RERG: variants seen among roughly 807,000 people sequenced by gnomAD.
RERG encodes ras-related and estrogen-regulated growth inhibitor.
RERG carries 25 observed loss-of-function variants against 23.2 expected under a neutral mutation model. The ratio of observed to expected loss-of-function variants is 1.08; its 90% CI spans 0.79 to 1.50. The LOEUF (loss-of-function observed/expected upper bound fraction) is 1.50. Ranked by LOEUF, RERG falls within the 40% of genes most tolerant of loss-of-function variation. The pLI is 0.00. For missense variants in RERG, 253 were observed against 250.1 expected, an observed-to-expected ratio of 1.01 and a Z score of -0.08; for synonymous variants, 81 against 89.1, an observed-to-expected ratio of 0.91 and a Z score of 0.51.
chr12:15,142,701 A>G (rs1864257385), intron 2 of RERG, among the ~76,000 whole-genome samples: 1 of 152,128 alleles, frequency 6.6e-6, no homozygotes, highest in Non-Finnish European at 1.5e-5. Flanking sequence ...AAGAGAAGAG[A>G]GAGGGGGGGT....
intron 2 of RERG, among the ~76,000 whole-genome samples, chr12:15,206,603 C>A (rs1865294606): frequency 6.6e-6 from 1 of 152,060 alleles, no homozygotes; most frequent in Non-Finnish European, 1.5e-5. Context: ...GAGTCAGAAC[C>A]TGTGGAGGTG....
chr12:15,120,131 A>G (rs1475759371), intron 3 of RERG, among the ~76,000 whole-genome samples: 1 of 152,188 alleles, frequency 6.6e-6, no homozygotes, highest in African/African-American at 2.4e-5. Context: ...TTAGACAAAA[A>G]TGTTGGGTTT....
At chr12:15,131,553 AT>A (rs1186274868) in intron 2 of RERG, among the ~76,000 whole-genome samples, 1 of 152,184 alleles carries the variant, frequency 6.6e-6, no homozygotes, top group Non-Finnish European at 1.5e-5. Context: ...TCCTACACTT[AT>A]GTTACTAGGG....
intron 2 of RERG, chr12:15,217,216 T>G (rs996208408): frequency 7.9e-5 from 41 of 521,448 alleles, no homozygotes; most frequent in Non-Finnish European, 3.8e-5. Flanking sequence ...TTGTGTGTTA[T>G]CAGCAAAGCT....
Position 15,108,562 on chromosome 12 carries a change from G to T in RERG, c.*548C>A. 6.6e-6 allele frequency: 1 copy of T among 152,602 alleles called. No individual in the cohort carries two copies. The highest frequency in any genetic ancestry group is 6.5e-5 in the Admixed American group (1 of 15,282). The allele number at this position is 152,602 out of a possible 1,614,324, so 9.5% of individuals were successfully genotyped here. On this transcript the variant is annotated 3_prime_UTR_variant, in exon 5 of 5. Coordinates refer to ENST00000256953, the MANE Select transcript of RERG (RefSeq NM_032918.3). ...CTCTGTTATAGTGAAAAACATTAGTGAGAAGATGCTTGAACTGAAGAACAA... is the reference window on the plus strand; with the variant it reads ...CTCTGTTATAGTGAAAAACATTAGTTAGAAGATGCTTGAACTGAAGAACAA...
At chr12:15,219,741 T>C (rs1339845699) in intron 1 of RERG, among the ~76,000 whole-genome samples, 1 of 152,230 alleles carries the variant, frequency 6.6e-6, no homozygotes, top group African/African-American at 2.4e-5. Context: ...AACAATAATT[T>C]TGTTTCATGC....
intron 2 of RERG, among the ~76,000 whole-genome samples, chr12:15,161,230 C>G (rs76220549): frequency 0.077 from 7,362 of 95,440 alleles, 378 homozygotes; most frequent in East Asian, 0.2. Context: ...AAGAAAGAAA[C>G]AGGGGCATCA....
chr12:15,178,905 G>A (rs1864887900), intron 2 of RERG, among the ~76,000 whole-genome samples: 1 of 152,138 alleles, frequency 6.6e-6, no homozygotes. Context: ...TCTTTTATCT[G>A]TTGTAGGAAG....
intron 2 of RERG, among the ~76,000 whole-genome samples, chr12:15,194,949 T>C (rs1865121952): frequency 1.3e-5 from 2 of 152,120 alleles, no homozygotes; most frequent in South Asian, 2.1e-4. Flanking sequence ...CAGTCCTTTA[T>C]AGCCATCAAA....
At chr12:15,166,839 C>T (rs60706356) in intron 2 of RERG, among the ~76,000 whole-genome samples, 1,527 of 150,246 alleles carry the variant, frequency 0.01, 26 homozygotes, top group African/African-American at 0.036. Flanking sequence ...ATGTCTGACA[C>T]ATTATTGTTT....
chr12:15,115,009 G>A (rs990473512), intron 3 of RERG, among the ~76,000 whole-genome samples: 3 of 152,014 alleles, frequency 2.0e-5, no homozygotes, highest in Admixed American at 6.6e-5. Context: ...ATGTGGCATA[G>A]TAAAGAATAC....
intron 2 of RERG, among the ~76,000 whole-genome samples, chr12:15,180,190 A>G (rs1864904939): frequency 6.6e-6 from 1 of 152,178 alleles, no homozygotes; most frequent in Non-Finnish European, 1.5e-5. Context: ...CTCCATAAGC[A>G]AGGCCTTGGA....
At chr12:15,126,724 C>CTTTTTTTTTTTTTT (rs71042228) in intron 2 of RERG, among the ~76,000 whole-genome samples, 27 of 132,462 alleles carry the variant, frequency 2.0e-4, no homozygotes, top group Admixed American at 4.8e-4. Flanking sequence ...CTTTTTCTTT[C>CTTTTTTTTTTTTTT]TTTTTTTTTT....
chr12:15,196,143 G>T (rs567639109), intron 2 of RERG, among the ~76,000 whole-genome samples: 3 of 152,188 alleles, frequency 2.0e-5, no homozygotes, highest in African/African-American at 7.2e-5. Context: ...GTTTCCATGG[G>T]TAAGCTCTGC....
chr12:15,130,828 A>C (rs1208217837), intron 2 of RERG, among the ~76,000 whole-genome samples: 1 of 152,182 alleles, frequency 6.6e-6, no homozygotes, highest in Non-Finnish European at 1.5e-5. Flanking sequence ...TAAGTGGTGT[A>C]ATCTCCAAGA....
At chr12:15,161,494 A>G (rs1864614788) in intron 2 of RERG, among the ~76,000 whole-genome samples, 1 of 152,104 alleles carries the variant, frequency 6.6e-6, no homozygotes, top group African/African-American at 2.4e-5. Context: ...TCCCATTTAC[A>G]TTTTGCCTGT....
At chr12:15,121,236 G>T in intron 2 of RERG, 117 bp from the exon 3 acceptor site, 1 of 705,080 alleles carries the variant, frequency 1.4e-6, no homozygotes, top group Non-Finnish European at 2.4e-6. Context: ...ATATTTCCTT[G>T]ATATATAAAA....
chr12:15,175,968 A>C (rs772366349), intron 2 of RERG, among the ~76,000 whole-genome samples: 7 of 152,134 alleles, frequency 4.6e-5, no homozygotes, highest in Non-Finnish European at 8.8e-5. Context: ...CAAACTCTGC[A>C]GTTCTTAATG....
At chr12:15,207,728 T>C (rs1865311413) in intron 2 of RERG, among the ~76,000 whole-genome samples, 2 of 150,284 alleles carry the variant, frequency 1.3e-5, no homozygotes, top group South Asian at 2.1e-4. Flanking sequence ...AGAGACTTTT[T>C]GTAGCTAGAC....
Sources: allele counts gnomAD v4.1 joint callset (sites outside exome capture counted in the v4.1 genomes callset), GRCh38; gene constraint gnomAD v4.1.1; transcripts MANE v1.5; gene names NCBI Gene and HGNC (gene_info 2026-07-23, HGNC 2026-07-21).